Variants in OPCML observed in about 807,000 individuals in gnomAD.
The protein encoded by OPCML is opioid-binding protein/cell adhesion molecule.
OPCML carries 13 observed loss-of-function variants against 37.8 expected under a neutral mutation model. That is an observed-to-expected ratio of 0.34 (90% CI 0.22 to 0.55). The LOEUF is 0.55. Ranked by LOEUF, OPCML falls within the 20% of genes least tolerant of loss-of-function variation. OPCML has a pLI of 0.91. For synonymous variants in OPCML, 176 were observed against 168.8 expected (o/e 1.04, Z -0.33); for missense variants, 341 against 435.6 (o/e 0.78, Z 1.93).
intron 2 of OPCML, among the ~76,000 whole-genome samples, chr11:132,694,923 T>C (rs1943549182): frequency 6.6e-6 from 1 of 152,108 alleles, no homozygotes; most frequent in Admixed American, 6.5e-5. Context: ...CTACGTATGA[T>C]AGAGAGAAAG....
intron 3 of OPCML, among the ~76,000 whole-genome samples, chr11:132,624,548 G>C (rs755690561): frequency 3.3e-5 from 5 of 151,914 alleles, no homozygotes; most frequent in Non-Finnish European, 7.4e-5. Flanking sequence ...AGATCACTGG[G>C]CTCCAATGAT....
intron 1 of OPCML, among the ~76,000 whole-genome samples, chr11:133,507,776 A>G (rs1429432190): frequency 6.6e-6 from 1 of 151,942 alleles, no homozygotes; most frequent in African/African-American, 2.4e-5. Flanking sequence ...GAAACCCCAT[A>G]TCTACTACAA....
intron 1 of OPCML, among the ~76,000 whole-genome samples, chr11:133,314,985 C>CGT (rs35412967): frequency 1.3e-5 from 2 of 151,566 alleles, no homozygotes; most frequent in South Asian, 2.1e-4. Flanking sequence ...AGTGTGTGTG[C>CGT]GTGTGTGTGT....
intron 1 of OPCML, among the ~76,000 whole-genome samples, chr11:133,489,885 C>T (rs1458917868): frequency 1.3e-5 from 2 of 150,120 alleles, no homozygotes; most frequent in Admixed American, 6.6e-5. Flanking sequence ...TATACATATA[C>T]ACACACATAC....
chr11:132,466,246 G>T (rs1163457613), intron 4 of OPCML, among the ~76,000 whole-genome samples: 1 of 151,844 alleles, frequency 6.6e-6, no homozygotes. Flanking sequence ...AGCACTTTGG[G>T]AGGCCGAGGC....
chr11:133,212,718 T>C lies in OPCML; in HGVS notation c.62-269708A>G, dbSNP rs1234801683. Among the ~76,000 whole-genome samples, 1 of 152,218 alleles carries C rather than the reference T, an allele frequency of 6.6e-6. No individual in the cohort carries two copies. The highest frequency in any genetic ancestry group is 1.9e-4 in the East Asian group (1 of 5,198). On this transcript the variant is annotated intron_variant, in intron 1 of 7. Coordinates refer to ENST00000524381, the MANE Select transcript of OPCML (RefSeq NM_001012393.5). The surrounding 1 kb of genome is among the most constrained non-coding windows in gnomAD (Gnocchi z 4.9). The stretch of plus-strand genomic sequence containing the variant: ...CCATGATTATATGGCTCTGTGTCTA[T>C]TATCCATTCGCTTAGAATAGTGTTT...
At chr11:133,383,859 T>C (rs2136787862) in intron 1 of OPCML, among the ~76,000 whole-genome samples, 2 of 152,202 alleles carry the variant, frequency 1.3e-5, no homozygotes, top group Middle Eastern at 6.8e-3. Context: ...ACAGACAGGA[T>C]GTCTACACCT....
intron 1 of OPCML, chr11:133,439,244 T>C (rs925360178): frequency 5.1e-6 from 5 of 971,074 alleles, no homozygotes; most frequent in Admixed American, 6.2e-5. Flanking sequence ...AGCGTCACAA[T>C]TGAGTTGAAG....
chr11:132,980,245 A>C (rs1946554023), intron 1 of OPCML, among the ~76,000 whole-genome samples: 1 of 152,208 alleles, frequency 6.6e-6, no homozygotes. Context: ...ATGAAAAAAG[A>C]AAGCCAGAGA....
At chr11:132,950,854 C>T (rs1460725516) in intron 1 of OPCML, among the ~76,000 whole-genome samples, 3 of 152,186 alleles carry the variant, frequency 2.0e-5, no homozygotes, top group Admixed American at 6.5e-5. Context: ...TGAGAGTAGT[C>T]TCTAACATTG....
chr11:132,657,442 C>A, intron 2 of OPCML, 123 bp from the exon 3 acceptor site: 1 of 1,442,624 alleles, frequency 6.9e-7, no homozygotes. Flanking sequence ...AAACACAGTG[C>A]TAAAAGGAAA....
At chr11:132,439,932 T>A (rs1299325799) in intron 4 of OPCML, among the ~76,000 whole-genome samples, 4 of 152,182 alleles carry the variant, frequency 2.6e-5, no homozygotes, top group Non-Finnish European at 5.9e-5. Context: ...ATCATGCTGC[T>A]TGGTGGACCT....
At chr11:132,588,483 T>C (rs1565688772) in intron 3 of OPCML, among the ~76,000 whole-genome samples, 1 of 152,070 alleles carries the variant, frequency 6.6e-6, no homozygotes, top group Non-Finnish European at 1.5e-5. Context: ...CCCTCTAACC[T>C]AGGAAACAAG....
At chr11:132,541,515 G>T (rs1053313583) in intron 3 of OPCML, among the ~76,000 whole-genome samples, 1 of 107,954 alleles carries the variant, frequency 9.3e-6, no homozygotes, top group Non-Finnish European at 1.7e-5. Context: ...TCTATATCCA[G>T]ATTTTTTTTT....
chr11:133,227,089 T>G (rs1398746778), intron 1 of OPCML, among the ~76,000 whole-genome samples: 1 of 151,172 alleles, frequency 6.6e-6, no homozygotes, highest in Non-Finnish European at 1.5e-5. Flanking sequence ...TAGGGGGGGG[T>G]GCTGTCCTCA....
intron 1 of OPCML, among the ~76,000 whole-genome samples, chr11:133,155,145 C>G (rs866577274): frequency 5.3e-5 from 8 of 152,230 alleles, no homozygotes; most frequent in Middle Eastern, 3.4e-3. Flanking sequence ...CTAGTGAAAA[C>G]CAACAGTCTG....
chr11:133,439,493 A>G (rs1444984463), intron 1 of OPCML: 7 of 945,842 alleles, frequency 7.4e-6, no homozygotes, highest in African/African-American at 1.8e-5. Flanking sequence ...TTTGAGATGG[A>G]GTCTCACTCT....
chr11:132,627,638 A>G (rs1275456892), intron 3 of OPCML, among the ~76,000 whole-genome samples: 1 of 152,180 alleles, frequency 6.6e-6, no homozygotes, highest in Non-Finnish European at 1.5e-5. Flanking sequence ...GTTTCAGATG[A>G]TCGACATGTA....
intron 1 of OPCML, among the ~76,000 whole-genome samples, chr11:133,427,391 G>A (rs1193922660): frequency 8.8e-6 from 1 of 113,964 alleles, no homozygotes; most frequent in Non-Finnish European, 1.6e-5. Flanking sequence ...AACTGAAATA[G>A]AAGCCACTTT....
Sources: gnomAD v4.1 joint callset for allele counts (sites outside exome capture counted in the v4.1 genomes callset) on GRCh38, gnomAD v4.1.1 for gene constraint, Gnocchi (gnomAD v3.1) non-coding constraint, MANE v1.5 for transcripts, NCBI Gene and HGNC (gene_info 2026-07-23, HGNC 2026-07-21) for gene names.